DPF3: variants seen among roughly 807,000 people sequenced by gnomAD.
The protein encoded by DPF3 is double PHD fingers 3.
In DPF3, 18 loss-of-function variants were observed where a neutral mutation model predicts 56.8. The ratio of observed to expected loss-of-function variants is 0.32; its 90% CI spans 0.22 to 0.47. The LOEUF is 0.47. Ranked by LOEUF, DPF3 falls within the 20% of genes least tolerant of loss-of-function variation. The pLI is 1.00. For missense variants in DPF3, 403 were observed against 488.8 expected (o/e 0.82, Z 1.65); for synonymous variants, 188 against 180.2 (o/e 1.04, Z -0.35).
At chr14:72,700,007 G>A (rs900031092) in intron 6 of DPF3, among the ~76,000 whole-genome samples, 2 of 152,188 alleles carry the variant, frequency 1.3e-5, no homozygotes, top group Non-Finnish European at 2.9e-5. Flanking sequence ...GGTGGAGCCT[G>A]TGTTTTACCA....
intron 4 of DPF3, among the ~76,000 whole-genome samples, chr14:72,724,811 C>T (rs1385070579): frequency 6.6e-6 from 1 of 151,578 alleles, no homozygotes; most frequent in East Asian, 1.9e-4. Context: ...CAGGCCTAAG[C>T]GATCCTCCCA....
chr14:72,876,711 G>C (rs545125644), intron 1 of DPF3, among the ~76,000 whole-genome samples: 2 of 152,186 alleles, frequency 1.3e-5, no homozygotes, highest in Non-Finnish European at 2.9e-5. Flanking sequence ...TCACCCTCCC[G>C]AGCCTAACCA....
chr14:72,832,430 A>C (rs946972917), intron 1 of DPF3, among the ~76,000 whole-genome samples: 1 of 152,188 alleles, frequency 6.6e-6, no homozygotes, highest in Non-Finnish European at 1.5e-5. Context: ...ACTCCAAACA[A>C]GTAAGAGATC....
At chr14:72,824,354 T>A (rs1883688756) in intron 1 of DPF3, among the ~76,000 whole-genome samples, 1 of 152,104 alleles carries the variant, frequency 6.6e-6, no homozygotes, top group African/African-American at 2.4e-5. Flanking sequence ...CTAAGGACAC[T>A]TTCACGTGTC....
At chr14:72,730,683 C>T (rs945787674) in intron 4 of DPF3, among the ~76,000 whole-genome samples, 8 of 150,772 alleles carry the variant, frequency 5.3e-5, no homozygotes, top group African/African-American at 1.9e-4. Flanking sequence ...ATTAAATATG[C>T]ACAATAGGTA....
chr14:72,869,113 A>G (rs1885792735), intron 1 of DPF3, among the ~76,000 whole-genome samples: 1 of 152,136 alleles, frequency 6.6e-6, no homozygotes, highest in Non-Finnish European at 1.5e-5. Flanking sequence ...CCCAACATGC[A>G]CAGGACCTTG....
At chr14:72,809,549 T>C (rs557453722) in intron 1 of DPF3, among the ~76,000 whole-genome samples, 26 of 152,352 alleles carry the variant, frequency 1.7e-4, no homozygotes, top group Non-Finnish European at 2.1e-4. Context: ...AAGAAGTGCA[T>C]GGGGAGGCCT....
chr14:72,837,754 AAAAG>A (rs1176078006), intron 1 of DPF3, among the ~76,000 whole-genome samples: 1 of 152,152 alleles, frequency 6.6e-6, no homozygotes, highest in East Asian at 1.9e-4. Context: ...ATAAAAAAAG[AAAAG>A]AAAGAAAAAA....
intron 2 of DPF3, among the ~76,000 whole-genome samples, chr14:72,758,052 A>C (rs1198173196): frequency 6.6e-6 from 1 of 152,246 alleles, no homozygotes; most frequent in East Asian, 1.9e-4. Flanking sequence ...TATACGAAAA[A>C]GAAACAGGGT....
At position 72,678,859 on chromosome 14, in the gene DPF3, GAAATCTACC is replaced by G. The variant is rs537112451; in HGVS notation, c.743-4500_743-4492del. 7.9e-5 allele frequency among the ~76,000 whole-genome samples: 12 copies of G among 152,092 alleles called. No homozygotes were observed. In the East Asian group the frequency reaches 2.3e-3, roughly 29 times the overall value. On this transcript the variant is annotated intron_variant, in intron 7 of 10. Coordinates refer to ENST00000556509, the MANE Select transcript of DPF3 (RefSeq NM_001280542.3). Reference sequence around the variant, plus strand: ...AAATAAAGTGAGCCTTAAGAGTTTAGAAATCTACCTGAGGGAGATAACTCTAAAAAGCTC... The same window carrying G: ...AAATAAAGTGAGCCTTAAGAGTTTAGTGAGGGAGATAACTCTAAAAAGCTC...
chr14:72,668,558 C>A (rs1205248861), intron 8 of DPF3, among the ~76,000 whole-genome samples: 1 of 152,180 alleles, frequency 6.6e-6, no homozygotes, highest in African/African-American at 2.4e-5. Flanking sequence ...AATACCCATT[C>A]TCAGATAAAC....
At chr14:72,765,409 T>C (rs1446011044) in intron 2 of DPF3, among the ~76,000 whole-genome samples, 1 of 152,160 alleles carries the variant, frequency 6.6e-6, no homozygotes, top group South Asian at 2.1e-4. Flanking sequence ...GTAGTTAACC[T>C]CTCAAGGAGA....
intron 1 of DPF3, among the ~76,000 whole-genome samples, chr14:72,870,257 C>T (rs74401967): frequency 0.045 from 6,837 of 152,254 alleles, 239 homozygotes; most frequent in Non-Finnish European, 0.074. Flanking sequence ...GTGTGTCAGG[C>T]CAACTTGGAG....
chr14:72,667,017 G>T lies in DPF3; in HGVS notation c.871+7223C>A, dbSNP rs147561829. 3.3e-3 allele frequency among the ~76,000 whole-genome samples: 504 copies of T among 152,260 alleles called. 3 individuals carry two copies. Among genetic ancestry groups the T allele is most frequent in the African/African-American group, 0.012 (489 of 41,544 alleles). On this transcript the variant is annotated intron_variant, in intron 8 of 10. Transcript: ENST00000556509. ...AGTTCTCTCCCTGAGTAATGATCTT[G>T]CATTCCCTCCAGTGCTGTATAAAGC...
chr14:72,752,836 C>T (rs535914033), intron 3 of DPF3, among the ~76,000 whole-genome samples: 1 of 152,282 alleles, frequency 6.6e-6, no homozygotes, highest in South Asian at 2.1e-4. Context: ...TGCTCCAAAG[C>T]TCATACAGGG....
At chr14:72,714,353 A>G (rs1284862716) in intron 6 of DPF3, 70 bp downstream of exon 6, 14 of 1,585,902 alleles carry the variant, frequency 8.8e-6, no homozygotes, top group Non-Finnish European at 1.1e-5. Context: ...TGGCCAAGGA[A>G]GCACAGGGAA....
intron 1 of DPF3, chr14:72,773,700 A>C (rs548086752): frequency 1.1e-4 from 43 of 398,758 alleles, no homozygotes; most frequent in South Asian, 8.2e-4. Flanking sequence ...AGTACTTCAT[A>C]AAAGTGGAGT....
chr14:72,888,424 G>A (rs1376496595), intron 1 of DPF3, among the ~76,000 whole-genome samples: 2 of 152,156 alleles, frequency 1.3e-5, no homozygotes, highest in African/African-American at 2.4e-5. Context: ...TTGACAGACT[G>A]TGAAACACCA....
intron 1 of DPF3, among the ~76,000 whole-genome samples, chr14:72,892,906 C>T (rs2140139410): frequency 6.6e-6 from 1 of 151,716 alleles, no homozygotes; most frequent in Admixed American, 6.6e-5. Context: ...GCTCCGCGAT[C>T]GCGAGCGGAC....
Sources: gnomAD v4.1 joint callset for allele counts (sites outside exome capture counted in the v4.1 genomes callset) on GRCh38, gnomAD v4.1.1 for gene constraint, MANE v1.5 for transcripts, NCBI Gene and HGNC (gene_info 2026-07-23, HGNC 2026-07-21) for gene names.